The following ARIH2 variants were observed in gnomAD, a reference collection of about 807,000 sequenced individuals.
ARIH2 encodes the protein ariadne RBR E3 ubiquitin protein ligase 2.
A neutral mutation model predicts 79.8 loss-of-function variants in ARIH2; 12 were observed. The ratio of observed to expected loss-of-function variants is 0.15; its 90% CI spans 0.10 to 0.24. The LOEUF is 0.24. Among genes scored for constraint, ARIH2 ranks in the 10% least tolerant of loss-of-function variants. The pLI is 1.00. For missense variants in ARIH2, 301 were observed against 618.3 expected, an observed-to-expected ratio of 0.49 and a Z score of 5.44; for synonymous variants, 224 against 213.9, an observed-to-expected ratio of 1.05 and a Z score of -0.41.
chr3:48,973,835 C>G lies in ARIH2; in HGVS notation c.888+19C>G, dbSNP rs770526995. Reference sequence around the variant, plus strand: ...TAAAGACGTAAGGACCGTATTTTACCTCTCATGGATTTGCCCTCCTTAGTG... The same window carrying G: ...TAAAGACGTAAGGACCGTATTTTACGTCTCATGGATTTGCCCTCCTTAGTG... On this transcript the variant is annotated intron_variant, in intron 9 of 15. Coordinates refer to ENST00000356401, the MANE Select transcript of ARIH2 (RefSeq NM_006321.4). 1 of 1,581,006 alleles carries G rather than the reference C, an allele frequency of 6.3e-7. No individual in the cohort carries two copies.
intron 8 of ARIH2, among the ~76,000 whole-genome samples, chr3:48,971,704 A>G (rs2092248891): frequency 6.6e-6 from 1 of 152,216 alleles, no homozygotes; most frequent in Admixed American, 6.5e-5. Context: ...GTGTGTACGC[A>G]CATGCCTGCA....
chr3:48,931,067 C>G (rs1011028650), intron 3 of ARIH2, among the ~76,000 whole-genome samples: 1 of 151,994 alleles, frequency 6.6e-6, no homozygotes, highest in African/African-American at 2.4e-5. Context: ...GATTTGAAGT[C>G]TCTTTTTAAA....
In ARIH2 at chr3:48,934,445, T is replaced by C. The variant is rs2086836444; in HGVS notation, c.255+6632T>C. On this transcript the variant is annotated intron_variant, in intron 3 of 15. Coordinates refer to ENST00000356401, the MANE Select transcript of ARIH2 (RefSeq NM_006321.4). ...TGGTTTGTTGTTGTTGTTGTTATTA[T>C]TGTTGCTACTACTCATGGGAAAGTA... 4 of 985,238 alleles carry C rather than the reference T, an allele frequency of 4.1e-6. No homozygotes were observed. In the Admixed American group the frequency reaches 2.5e-4, roughly 61 times the overall value. 61.0% of individuals were successfully genotyped at this position (985,238 alleles called of 1,614,324 possible).
intron 11 of ARIH2, among the ~76,000 whole-genome samples, chr3:48,977,860 C>G (rs1474684384): frequency 1.3e-5 from 2 of 152,162 alleles, no homozygotes; most frequent in Non-Finnish European, 2.9e-5. Context: ...AATTGAACAA[C>G]CTCTGGGTCT....
At chr3:48,972,560 C>G (rs1199810948) in intron 8 of ARIH2, among the ~76,000 whole-genome samples, 4 of 152,158 alleles carry the variant, frequency 2.6e-5, no homozygotes, top group African/African-American at 9.7e-5. Flanking sequence ...AGGAAAATCA[C>G]TTGAACCAGG....
chr3:48,942,645 A>ATTT (rs745532484), intron 3 of ARIH2, among the ~76,000 whole-genome samples: 9 of 104,730 alleles, frequency 8.6e-5, no homozygotes, highest in Admixed American at 9.9e-5. Context: ...TGCCCGGCTA[A>ATTT]TTTTTTTTTT....
intron 3 of ARIH2, among the ~76,000 whole-genome samples, chr3:48,929,312 T>TGTCC (rs920016480): frequency 2.6e-5 from 4 of 152,072 alleles, no homozygotes; most frequent in South Asian, 2.1e-4. Flanking sequence ...CCCAAGCACC[T>TGTCC]GTCCGTCCGT....
chr3:48,964,108 G>T (rs529238623), intron 4 of ARIH2, among the ~76,000 whole-genome samples: 1 of 151,894 alleles, frequency 6.6e-6, no homozygotes, highest in African/African-American at 2.4e-5. Context: ...TCTGCTCACT[G>T]CAACCTCCAC....
chr3:48,929,531 C>T (rs973260212), intron 3 of ARIH2, among the ~76,000 whole-genome samples: 2 of 152,144 alleles, frequency 1.3e-5, no homozygotes, highest in African/African-American at 4.8e-5. Context: ...TTGAGAGACC[C>T]TAGAGCACAG....
chr3:48,979,777 G>A, intron 12 of ARIH2, 144 bp downstream of exon 12: 1 of 841,764 alleles, frequency 1.2e-6, no homozygotes, highest in Non-Finnish European at 1.8e-6. Context: ...CCCTGGTGCT[G>A]CCTCTATAGA....
At chr3:48,965,197 A>G (rs980439129) in intron 5 of ARIH2, among the ~76,000 whole-genome samples, 1 of 80,000 alleles carries the variant, frequency 1.3e-5, no homozygotes, top group Non-Finnish European at 2.6e-5. Flanking sequence ...TACTAAAAAT[A>G]CAAAAAAAAA....
intron 3 of ARIH2, among the ~76,000 whole-genome samples, chr3:48,930,413 C>T (rs775129819): frequency 5.3e-5 from 8 of 152,070 alleles, no homozygotes; most frequent in Non-Finnish European, 1.0e-4. Context: ...GGCCTGGGAG[C>T]GGAGGTTGCA....
intron 3 of ARIH2, among the ~76,000 whole-genome samples, chr3:48,932,270 C>G (rs2086477744): frequency 6.6e-6 from 1 of 152,132 alleles, no homozygotes; most frequent in Non-Finnish European, 1.5e-5. Context: ...AATGAACTAT[C>G]CTACACAAAT....
chr3:48,935,291 T>G (rs949553852), intron 3 of ARIH2, among the ~76,000 whole-genome samples: 2 of 152,224 alleles, frequency 1.3e-5, no homozygotes, highest in Admixed American at 6.5e-5. Context: ...TAATAATCAG[T>G]AGATATATGT....
intron 3 of ARIH2, among the ~76,000 whole-genome samples, chr3:48,948,722 C>G (rs1191826894): frequency 6.6e-6 from 1 of 152,210 alleles, no homozygotes; most frequent in Non-Finnish European, 1.5e-5. Flanking sequence ...TAGTTGATCC[C>G]TGTTCCCAAG....
rs1311992296 is a variant in ARIH2, at chr3:48,979,462, T to G, written c.962-20T>G. 1.2e-6 allele frequency: 2 copies of G among 1,610,462 alleles called. No individual in the cohort carries two copies. Among genetic ancestry groups the G allele is most frequent in the Non-Finnish European group, 8.5e-7 (1 of 1,178,014 alleles). On this transcript the variant is annotated intron_variant, in intron 11 of 15. Transcript: ENST00000356401. ...GAGTTGTCTTGTAGATGTAAATGAC[T>G]CTTCCTCTGTTCTGCACAGACTTCT...
chr3:48,974,499 TG>T (rs1383656422), intron 9 of ARIH2, among the ~76,000 whole-genome samples: 8 of 152,238 alleles, frequency 5.3e-5, no homozygotes, highest in African/African-American at 1.9e-4. Context: ...TGTGCTTCTT[TG>T]GCAGTCCTCT....
chr3:48,941,209 C>T (rs374947877), intron 3 of ARIH2, among the ~76,000 whole-genome samples: 12 of 150,980 alleles, frequency 7.9e-5, no homozygotes, highest in African/African-American at 2.9e-4. Flanking sequence ...GATGTATGAA[C>T]ATTCTCCTTT....
chr3:48,966,163 C>T (rs769732133), intron 5 of ARIH2, among the ~76,000 whole-genome samples: 2 of 151,964 alleles, frequency 1.3e-5, no homozygotes, highest in Non-Finnish European at 2.9e-5. Flanking sequence ...GAACATATGT[C>T]GAATATTTTT....
Sources: allele counts gnomAD v4.1 joint callset (sites outside exome capture counted in the v4.1 genomes callset), GRCh38; gene constraint gnomAD v4.1.1; transcripts MANE v1.5; gene names NCBI Gene and HGNC (gene_info 2026-07-23, HGNC 2026-07-21).